HADHB: variants seen among roughly 807,000 people sequenced by gnomAD.
HADHB encodes the protein hydroxyacyl-CoA dehydrogenase trifunctional multienzyme complex subunit beta.
In HADHB, 50 loss-of-function variants were observed where a neutral mutation model predicts 61.9. That is an observed-to-expected ratio of 0.81 (90% CI 0.64 to 1.02). HADHB has a LOEUF of 1.02. HADHB is among the 50% of genes least tolerant of loss of function. The probability of loss-of-function intolerance (pLI) is 0.00; values close to 1 mark genes in which losing one functional copy is unlikely to be tolerated. For synonymous variants in HADHB, 191 were observed against 201.6 expected (o/e 0.95, Z 0.45); for missense variants, 504 against 586.5 (o/e 0.86, Z 1.45).
Position 26,284,218 on chromosome 2 carries a change from A to G in HADHB, c.1149+14A>G. ...GAAGCTTTCTCGGTAAGTAATTTGA[A>G]AGACACATATGAAGGGACTATAGTC... On this transcript the variant is annotated intron_variant, in intron 13 of 15. Coordinates refer to ENST00000317799, the MANE Select transcript of HADHB (RefSeq NM_000183.3). The G allele has an allele frequency of 7.5e-7, 1 of 1,324,838 alleles. No individual in the cohort carries two copies. 82.1% of individuals were successfully genotyped at this position (1,324,838 alleles called of 1,614,324 possible). A position where few individuals can be genotyped will look rare whatever the true frequency, so the allele number is the denominator to read the frequency against.
At chr2:26,273,419 C>G (rs912356141) in intron 5 of HADHB, among the ~76,000 whole-genome samples, 3 of 152,080 alleles carry the variant, frequency 2.0e-5, no homozygotes, top group Non-Finnish European at 2.9e-5. Flanking sequence ...ATTTTTTATT[C>G]TCTAACTTCT....
rs780157046 is a variant in HADHB, at chr2:26,285,511, C to G, written c.1329C>G (p.Asn443Lys). The change falls in exon 15 of 16, where the codon AAC becomes AAG. Residue 443 changes from asparagine to lysine, a missense_variant. By Grantham distance (94) the Asn-to-Lys change is moderately conservative. Transcript: ENST00000317799. ...TGCRLVMAAA[N>K]RLRKEGGQYG... ...GCAGGTTGGTCATGGCTGCTGCCAA[C>G]AGATTACGGAAAGAAGGAGGCCAGT... The G allele has an allele frequency of 6.2e-7, 1 of 1,613,932 alleles. No individual in the cohort carries two copies. Among genetic ancestry groups the G allele is most frequent in the South Asian group, 1.1e-5 (1 of 91,082 alleles).
At chr2:26,288,181 C>A (rs1405672403) in intron 15 of HADHB, among the ~76,000 whole-genome samples, 1 of 152,106 alleles carries the variant, frequency 6.6e-6, no homozygotes, top group Admixed American at 6.6e-5. Flanking sequence ...GAGAGGATTG[C>A]TTGAGCCCGG....
At chr2:26,271,637 AT>A (rs1395518390) in intron 5 of HADHB, among the ~76,000 whole-genome samples, 1 of 152,122 alleles carries the variant, frequency 6.6e-6, no homozygotes, top group Non-Finnish European at 1.5e-5. Context: ...TCCTTTAAAA[AT>A]CTCATCTACT....
intron 15 of HADHB, among the ~76,000 whole-genome samples, chr2:26,289,182 G>A (rs1391316035): frequency 1.3e-5 from 2 of 152,096 alleles, no homozygotes. Flanking sequence ...CCCGGGAGGC[G>A]GAGCTTGCAG....
Position 26,272,840 on chromosome 2 carries a change from T to C in HADHB, c.255-811T>C, listed in dbSNP as rs1672400799. Among the ~76,000 whole-genome samples, 3 of 151,986 alleles carry C rather than the reference T, an allele frequency of 2.0e-5. No individual in the cohort carries two copies. In the South Asian group the frequency reaches 6.2e-4, roughly 32 times the overall value. On this transcript the variant is annotated intron_variant, in intron 5 of 15. Coordinates refer to ENST00000317799, the MANE Select transcript of HADHB (RefSeq NM_000183.3). The stretch of plus-strand genomic sequence containing the variant: ...GGCTTACACCTATAATCCCAGCACT[T>C]TGGGAGGCCAAGGCTGGTGGATCAC...
Position 26,263,418 on chromosome 2 carries a change from A to G in HADHB, c.148A>G (p.Asn50Asp), listed in dbSNP as rs1360476870. 4 of 1,613,576 alleles carry G rather than the reference A, an allele frequency of 2.5e-6. No homozygotes were observed. Among genetic ancestry groups the G allele is most frequent in the South Asian group, 1.1e-5 (1 of 91,066 alleles). The change falls in exon 4 of 16, where the codon AAT becomes GAT. Residue 50 changes from asparagine to aspartate, a missense_variant. By Grantham distance (23) the Asn-to-Asp change is conservative. Transcript: ENST00000317799. ...TKTKKTLAKP[N>D]IRNVVVVDGV... ...AACGAAGAAGACGTTAGCCAAACCC[A>G]ATATAAGGAATGTTGTGGTGGTGGA...
chr2:26,258,525 C>T (rs928660410), intron 3 of HADHB, among the ~76,000 whole-genome samples: 2 of 152,198 alleles, frequency 1.3e-5, no homozygotes, highest in Admixed American at 6.5e-5. Context: ...ATCAGAAACG[C>T]AGCGGACACC....
intron 10 of HADHB, among the ~76,000 whole-genome samples, chr2:26,280,466 A>T (rs1018474721): frequency 4.6e-5 from 7 of 152,218 alleles, no homozygotes; most frequent in African/African-American, 1.4e-4. Context: ...CCTGACCCAG[A>T]TGGGGGGACA....
rs762728196 is a variant in HADHB at position 26,279,175 on chromosome 2, G to C, written c.671G>C (p.Gly224Ala). The change falls in exon 9 of 16, where the codon GGC becomes GCC. Residue 224 changes from glycine (G) to alanine (A), a missense_variant. Transcript: ENST00000317799. ...VSEFSTSETM[G>A]HSADRLAAAF... ...GAGTTCTCCACCAGTGAGACCATGG[G>C]CCACTCTGCAGACCGACTGGCCGCT... 3.1e-6 allele frequency: 5 copies of C among 1,614,008 alleles called. No homozygotes were observed. The South Asian group carries it at 5.5e-5, about 18-fold the overall frequency.
chr2:26,280,853 CAAAAAAAAAAAAAAAAAAA>C (rs10560210), intron 10 of HADHB, among the ~76,000 whole-genome samples: 3 of 49,154 alleles, frequency 6.1e-5, no homozygotes, highest in African/African-American at 2.5e-4. Flanking sequence ...ACTCCCATCT[CAAAAAAAAAAAAAAAAAAA>C]AAAAAAAAAG....
intron 3 of HADHB, among the ~76,000 whole-genome samples, chr2:26,257,043 A>G (rs114024336): frequency 0.018 from 2,685 of 151,818 alleles, 92 homozygotes; most frequent in African/African-American, 0.062. Context: ...ATAAGTGTTG[A>G]AAGTAATGGG....
chr2:26,260,873 A>G (rs1286111967), intron 3 of HADHB: 4 of 632,356 alleles, frequency 6.3e-6, no homozygotes, highest in Middle Eastern at 7.3e-4. Flanking sequence ...CTTATGGTTT[A>G]CAAACTCTGG....
intron 10 of HADHB, 144 bp downstream of exon 10, chr2:26,280,259 T>TAAA: frequency 2.3e-5 from 14 of 600,852 alleles, no homozygotes; most frequent in South Asian, 1.7e-4. Flanking sequence ...GTGGAGTCAT[T>TAAA]AAAAAAAAAA....
intron 3 of HADHB, among the ~76,000 whole-genome samples, chr2:26,262,853 A>G (rs1179230047): frequency 6.6e-6 from 1 of 152,224 alleles, no homozygotes; most frequent in Non-Finnish European, 1.5e-5. Flanking sequence ...ATCATTGGAT[A>G]TAAGCTTTGT....
intron 3 of HADHB, among the ~76,000 whole-genome samples, chr2:26,258,420 G>A (rs546499799): frequency 1.2e-4 from 19 of 152,304 alleles, no homozygotes; most frequent in African/African-American, 4.3e-4. Flanking sequence ...AGCGACTAGC[G>A]TTGAGCTCGA....
At chr2:26,282,951 C>G (rs1019095938) in intron 11 of HADHB, 27 bp downstream of exon 11, 2 of 1,591,042 alleles carry the variant, frequency 1.3e-6, no homozygotes, top group Admixed American at 3.3e-5. Context: ...AACAAATCAT[C>G]TCTGATTTCT....
chr2:26,264,045 C>G (rs1452610721), intron 4 of HADHB, among the ~76,000 whole-genome samples: 1 of 152,100 alleles, frequency 6.6e-6, no homozygotes, highest in Non-Finnish European at 1.5e-5. Flanking sequence ...GAAGGTTAGT[C>G]TATCCAAAAG....
intron 5 of HADHB, among the ~76,000 whole-genome samples, chr2:26,272,801 G>T (rs1248545533): frequency 6.6e-6 from 1 of 152,014 alleles, no homozygotes; most frequent in Non-Finnish European, 1.5e-5. Flanking sequence ...ACCAAATCTG[G>T]GGCCGGGTAT....
Sources: allele counts gnomAD v4.1 joint callset (sites outside exome capture counted in the v4.1 genomes callset), GRCh38; gene constraint gnomAD v4.1.1; transcripts MANE v1.5; gene names NCBI Gene and HGNC (gene_info 2026-07-23, HGNC 2026-07-21).